Variants in ALDH2 observed in about 807,000 individuals in gnomAD.
ALDH2 encodes the protein aldehyde dehydrogenase 2 family member, also known as aldehyde dehydrogenase, mitochondrial.
A neutral mutation model predicts 59.6 loss-of-function variants in ALDH2; 44 were observed. That is an observed-to-expected ratio of 0.74 (90% CI 0.58 to 0.95). ALDH2 has a LOEUF of 0.95. Ranked by LOEUF, ALDH2 falls within the 40% of genes least tolerant of loss-of-function variation. The pLI is 0.00. For synonymous variants in ALDH2, 291 were observed against 284.0 expected (o/e 1.02, Z -0.25); for missense variants, 570 against 696.3 (o/e 0.82, Z 2.04).
chr12:111,808,573 C>T (rs541956023), intron 12 of ALDH2, among the ~76,000 whole-genome samples: 1 of 152,114 alleles, frequency 6.6e-6, no homozygotes, highest in Admixed American at 6.5e-5. Flanking sequence ...GGCTTGGTTG[C>T]AGGTGCCTGT....
In ALDH2 at chr12:111,789,925, G is replaced by C. The variant is rs1412224066; in HGVS notation, c.543G>C (p.Gln181His). 6 of 1,613,990 alleles carry C rather than the reference G, an allele frequency of 3.7e-6. No individual in the cohort carries two copies. Among genetic ancestry groups the C allele is most frequent in the South Asian group, 1.1e-5 (1 of 91,078 alleles). The change falls in exon 5 of 13, where the codon CAG becomes CAC. Residue 181 changes from glutamine to histidine, a missense_variant. Coordinates refer to ENST00000261733, the MANE Select transcript of ALDH2 (RefSeq NM_000690.4). ...TRHEPVGVCG[Q>H]IIPWNFPLLM... ...ATGAACCTGTGGGGGTGTGCGGGCA[G>C]ATCATTCCGGTGAGTCCAGCCTCCC...
intron 11 of ALDH2, among the ~76,000 whole-genome samples, chr12:111,800,875 T>C (rs2068446565): frequency 6.6e-6 from 1 of 152,248 alleles, no homozygotes; most frequent in South Asian, 2.1e-4. Flanking sequence ...ATATGAATCT[T>C]CACAGCAGCA....
intron 1 of ALDH2, among the ~76,000 whole-genome samples, chr12:111,770,329 G>C (rs1251555011): frequency 6.6e-6 from 1 of 152,164 alleles, no homozygotes; most frequent in Non-Finnish European, 1.5e-5. Flanking sequence ...GCAGTGTCTT[G>C]GTGATCAAAC....
chr12:111,809,520 C>T (rs575265959), intron 12 of ALDH2, 23 bp from the exon 13 acceptor site: 40 of 1,614,072 alleles, frequency 2.5e-5, no homozygotes, highest in South Asian at 2.0e-4. Flanking sequence ...GAAGATCTAA[C>T]GGCTTCTCTG....
chr12:111,803,762 AAAAAT>A (rs2068472190), intron 11 of ALDH2, 92 bp from the exon 12 acceptor site: 3 of 787,292 alleles, frequency 3.8e-6, no homozygotes, highest in South Asian at 4.7e-5. Flanking sequence ...TTTTTAAGTT[AAAAAT>A]AAAATAAAGA....
chr12:111,772,116 A>G (rs1640953803), intron 1 of ALDH2, among the ~76,000 whole-genome samples: 1 of 152,048 alleles, frequency 6.6e-6, no homozygotes. Flanking sequence ...ACTCCCCAAA[A>G]AACAAAAAAA....
At position 111,807,042 on chromosome 12, in the gene ALDH2, G is replaced by A. The variant is rs180898905; in HGVS notation, c.1522-2501G>A. ...AGCACTTTGGGAGGCCGAGGTGGGC[G>A]AATCACAAGGTCAGAAGATCCAGAC... On this transcript the variant is annotated intron_variant, in intron 12 of 12. Coordinates refer to ENST00000261733, the MANE Select transcript of ALDH2 (RefSeq NM_000690.4). Among the ~76,000 whole-genome samples the A allele has an allele frequency of 2.6e-4, 40 of 151,638 alleles. 1 individual carries two copies. In the East Asian group the frequency reaches 4.3e-3, roughly 16 times the overall value.
At chr12:111,799,540 C>A (rs1295168257) in intron 10 of ALDH2, among the ~76,000 whole-genome samples, 4 of 148,426 alleles carry the variant, frequency 2.7e-5, no homozygotes, top group African/African-American at 5.0e-5. Context: ...AACTCCTAGA[C>A]TCAAGCAGTT....
rs1279129376 is a variant in ALDH2 at position 111,810,777 on chromosome 12, T to G, written c.*1202T>G. On this transcript the variant is annotated 3_prime_UTR_variant, in exon 13 of 13. Coordinates refer to ENST00000261733, the MANE Select transcript of ALDH2 (RefSeq NM_000690.4). Reference sequence around the variant, plus strand: ...TTGTGGAGATGGGACTTTGTTATGTTGCCCAGGCTGTTTTCAAACTCCTGG... The same window carrying G: ...TTGTGGAGATGGGACTTTGTTATGTGGCCCAGGCTGTTTTCAAACTCCTGG... 6.6e-6 allele frequency: 1 copy of G among 152,170 alleles called. No individual in the cohort carries two copies. Among genetic ancestry groups the G allele is most frequent in the Non-Finnish European group, 1.5e-5 (1 of 68,098 alleles). The allele number at this position is 152,170 out of a possible 1,614,324, so 9.4% of individuals were successfully genotyped here. A position where few individuals can be genotyped will look rare whatever the true frequency, so the allele number is the denominator to read the frequency against.
In ALDH2 at chr12:111,781,992, G is replaced by A. The variant is rs1249401224; in HGVS notation, c.189G>A (p.Glu63=). Residue 63 remains glutamate (E), a synonymous_variant, in exon 2 of 13, where the codon GAG becomes GAA. Coordinates refer to ENST00000261733, the MANE Select transcript of ALDH2 (RefSeq NM_000690.4). ...TFPTVNPSTG[E]VICQVAEGDK... is the part of the protein sequence containing the mutation. ...CCACCGTCAATCCGTCCACTGGAGA[G>A]GTCATCTGTCAGGTAGCTGAAGGGG... 4 of 1,613,858 alleles carry A rather than the reference G, an allele frequency of 2.5e-6. No individual in the cohort carries two copies. Among genetic ancestry groups the A allele is most frequent in the African/African-American group, 1.3e-5 (1 of 74,926 alleles).
chr12:111,789,754 C>T, intron 4 of ALDH2, 69 bp from the exon 5 acceptor site: 1 of 1,357,448 alleles, frequency 7.4e-7, no homozygotes, highest in Non-Finnish European at 1.0e-6. Flanking sequence ...TGAGTCTTCT[C>T]TTTCTGCCAG....
At position 111,766,943 on chromosome 12, in the gene ALDH2, C is replaced by G. The variant is rs1014981847; in HGVS notation, c.-40C>G. On this transcript the variant is annotated 5_prime_UTR_variant, in exon 1 of 13. Coordinates refer to ENST00000261733, the MANE Select transcript of ALDH2 (RefSeq NM_000690.4). The stretch of plus-strand genomic sequence containing the variant: ...CGGCTCAGTGGCCCTGAGACCCTAG[C>G]TCTGCTCTCGGTCCGCTCGCTGTCC... The G allele has an allele frequency of 2.7e-6, 4 of 1,495,922 alleles. No homozygotes were observed. Among genetic ancestry groups the G allele is most frequent in the Admixed American group, 2.0e-5 (1 of 49,026 alleles). 92.7% of individuals were successfully genotyped at this position (1,495,922 alleles called of 1,614,324 possible). A position where few individuals can be genotyped will look rare whatever the true frequency, so the allele number is the denominator to read the frequency against.
chr12:111,767,549 G>A (rs2068168174), intron 1 of ALDH2, among the ~76,000 whole-genome samples: 1 of 152,204 alleles, frequency 6.6e-6, no homozygotes, highest in Non-Finnish European at 1.5e-5. Flanking sequence ...CCAGGAAAGA[G>A]GTGATTTGCA....
At chr12:111,807,835 A>G (rs970165769) in intron 12 of ALDH2, among the ~76,000 whole-genome samples, 2 of 151,350 alleles carry the variant, frequency 1.3e-5, no homozygotes, top group African/African-American at 4.9e-5. Context: ...GTTTGATCTC[A>G]GCTATGGGAG....
intron 1 of ALDH2, among the ~76,000 whole-genome samples, chr12:111,777,171 C>T (rs2068239887): frequency 6.6e-6 from 1 of 152,216 alleles, no homozygotes; most frequent in Non-Finnish European, 1.5e-5. Context: ...GCCTTTGCTG[C>T]TGTGTGACCT....
At chr12:111,781,275 C>G (rs1289064638) in intron 1 of ALDH2, among the ~76,000 whole-genome samples, 1 of 152,156 alleles carries the variant, frequency 6.6e-6, no homozygotes, top group Non-Finnish European at 1.5e-5. Flanking sequence ...CTGTGACTCA[C>G]TTTGACCAAC....
At chr12:111,771,730 G>C (rs1281669337) in intron 1 of ALDH2, among the ~76,000 whole-genome samples, 1 of 152,198 alleles carries the variant, frequency 6.6e-6, no homozygotes, top group Admixed American at 6.5e-5. Flanking sequence ...TGTGAGGGTG[G>C]TTACTGCCTG....
Position 111,767,181 on chromosome 12 carries a change from C to G in ALDH2, c.114+85C>G, listed in dbSNP as rs1050694605. On this transcript the variant is annotated intron_variant, in intron 1 of 12. Transcript: ENST00000261733. ...AGGAAGGCCCCGCGCCGCCGTGGGC[C>G]TTAGTGTACTCATCTGGGGCTCGAG... The G allele has an allele frequency of 1.4e-5, 16 of 1,110,266 alleles. No individual in the cohort carries two copies. The African/African-American group carries it at 2.0e-4, about 14-fold the overall frequency. 68.8% of individuals were successfully genotyped at this position (1,110,266 alleles called of 1,614,324 possible).
In ALDH2 at chr12:111,816,128, T is replaced by C. The variant is rs1258860703; in HGVS notation, c.*6553T>C. The C allele has an allele frequency of 6.6e-6, 1 of 152,176 alleles. No individual in the cohort carries two copies. The allele number at this position is 152,176 out of a possible 1,614,324, so 9.4% of individuals were successfully genotyped here. ...GGCTTGGTGTCCTCCCCCATGGTAA[T>C]GAGTTCACTCAAGAGCTGGTTGTTT... On this transcript the variant is annotated 3_prime_UTR_variant, in exon 13 of 13. Transcript: ENST00000261733.
Sources: gnomAD v4.1 joint callset for allele counts (sites outside exome capture counted in the v4.1 genomes callset) on GRCh38, gnomAD v4.1.1 for gene constraint, MANE v1.5 for transcripts, NCBI Gene and HGNC (gene_info 2026-07-23, HGNC 2026-07-21) for gene names.